SLC8A1: variants seen among roughly 807,000 people sequenced by gnomAD.
SLC8A1 encodes the protein sodium/calcium exchanger 1.
SLC8A1 carries 18 observed loss-of-function variants against 68.3 expected under a neutral mutation model. That is an observed-to-expected ratio of 0.26 (90% confidence interval 0.18 to 0.39). The LOEUF (loss-of-function observed/expected upper bound fraction) is 0.39, where lower values mean the gene tolerates loss of function less well. SLC8A1 is among the 10% of genes least tolerant of loss of function. The pLI is 1.00. For synonymous variants in SLC8A1, 475 were observed against 415.5 expected, an observed-to-expected ratio of 1.14 and a Z score of -1.74; for missense variants, 985 against 1,156.7, an observed-to-expected ratio of 0.85 and a Z score of 2.15.
intron 2 of SLC8A1, among the ~76,000 whole-genome samples, chr2:40,311,850 A>G (rs925548836): frequency 5.3e-5 from 8 of 152,164 alleles, no homozygotes; most frequent in African/African-American, 1.9e-4. Context: ...TTTAGAATCG[A>G]TAACAAAAAT....
chr2:40,269,889 A>G (rs2065814939), intron 2 of SLC8A1, among the ~76,000 whole-genome samples: 1 of 152,124 alleles, frequency 6.6e-6, no homozygotes, highest in Non-Finnish European at 1.5e-5. Context: ...AAGCAGAGAT[A>G]TAGAAAGGTG....
At chr2:40,346,406 C>T (rs143726423) in intron 2 of SLC8A1, among the ~76,000 whole-genome samples, 20 of 152,194 alleles carry the variant, frequency 1.3e-4, no homozygotes, top group African/African-American at 4.3e-4. Flanking sequence ...TATGCTAGGG[C>T]GTTTACCTCA....
chr2:40,137,944 T>C (rs966215985), intron 7 of SLC8A1, among the ~76,000 whole-genome samples: 1 of 152,164 alleles, frequency 6.6e-6, no homozygotes, highest in Non-Finnish European at 1.5e-5. Flanking sequence ...TAAATCTGGA[T>C]ACTTCATCCA....
intron 7 of SLC8A1, among the ~76,000 whole-genome samples, chr2:40,124,643 C>T (rs1029602117): frequency 2.6e-5 from 4 of 152,170 alleles, no homozygotes; most frequent in African/African-American, 9.7e-5. Context: ...AACTATTTGG[C>T]CCAGCAATTC....
chr2:40,233,695 G>A (rs558839178), intron 2 of SLC8A1, among the ~76,000 whole-genome samples: 2 of 146,808 alleles, frequency 1.4e-5, no homozygotes, highest in African/African-American at 5.0e-5. Flanking sequence ...GAATGGTAAT[G>A]CCTAGGTTTT....
At chr2:40,258,261 G>T (rs577466746) in intron 2 of SLC8A1, among the ~76,000 whole-genome samples, 2 of 152,300 alleles carry the variant, frequency 1.3e-5, no homozygotes, top group South Asian at 4.1e-4. Flanking sequence ...CCTTCATTAA[G>T]TGAGCATGTC....
chr2:40,453,936 C>T (rs1702833383), upstream of SLC8A1, among the ~76,000 whole-genome samples: 1 of 152,140 alleles, frequency 6.6e-6, no homozygotes, highest in African/African-American at 2.4e-5. Context: ...TTGCAGGAAT[C>T]GTTCTTGCCT....
intron 2 of SLC8A1, among the ~76,000 whole-genome samples, chr2:40,330,403 G>C (rs930561262): frequency 6.6e-6 from 1 of 152,242 alleles, no homozygotes; most frequent in African/African-American, 2.4e-5. Flanking sequence ...TGGACTAAAC[G>C]TAAGAAAAGA....
At chr2:40,199,420 C>A (rs1254225653) in intron 2 of SLC8A1, among the ~76,000 whole-genome samples, 1 of 151,398 alleles carries the variant, frequency 6.6e-6, no homozygotes, top group Admixed American at 6.6e-5. Flanking sequence ...GAGAATAGAC[C>A]CCCATAAGGA....
intron 2 of SLC8A1, among the ~76,000 whole-genome samples, chr2:40,325,521 T>G (rs2075715217): frequency 6.6e-6 from 1 of 152,174 alleles, no homozygotes; most frequent in African/African-American, 2.4e-5. Flanking sequence ...CCTTTTCATA[T>G]TTTGTATCTC....
At chr2:40,216,729 T>C (rs1328716597) in intron 2 of SLC8A1, among the ~76,000 whole-genome samples, 1 of 152,260 alleles carries the variant, frequency 6.6e-6, no homozygotes, top group Non-Finnish European at 1.5e-5. Flanking sequence ...ACTGTGGTTT[T>C]GATTTGCATT....
At chr2:40,183,370 T>C (rs970230808) in intron 2 of SLC8A1, among the ~76,000 whole-genome samples, 1 of 152,254 alleles carries the variant, frequency 6.6e-6, no homozygotes, top group African/African-American at 2.4e-5. Flanking sequence ...TGAACAATGA[T>C]AGAATTTCAA....
intron 1 of SLC8A1, among the ~76,000 whole-genome samples, chr2:40,441,309 G>T (rs1700434273): frequency 1.3e-5 from 2 of 151,504 alleles, no homozygotes; most frequent in South Asian, 4.2e-4. Context: ...CCATGTTCAT[G>T]GATAGGAACA....
rs150421290 is a variant in SLC8A1, at chr2:40,466,688, G to A, written c.-24-36384C>T. On this transcript the variant is annotated intron_variant, in intron 1 of 7. Coordinates refer to the SLC8A1 transcript ENST00000402441. ...ATTCTTTACCCTCTTGCATTACACA[G>A]TACCCAGGCCCATGCTGTGCATATT... 1.3e-4 allele frequency among the ~76,000 whole-genome samples: 20 copies of A among 152,228 alleles called. No individual in the cohort carries two copies. The East Asian group carries it at 3.7e-3, about 28-fold the overall frequency.
chr2:40,231,114 A>G (rs1191154549), intron 2 of SLC8A1, among the ~76,000 whole-genome samples: 2 of 152,194 alleles, frequency 1.3e-5, no homozygotes, highest in Admixed American at 6.5e-5. Context: ...CTTAGGGCAT[A>G]AGATAAGGAA....
chr2:40,158,698 G>A (rs2045084502), intron 6 of SLC8A1, among the ~76,000 whole-genome samples: 1 of 152,156 alleles, frequency 6.6e-6, no homozygotes, highest in African/African-American at 2.4e-5. Flanking sequence ...AAGGGCAGTA[G>A]ATAGCACACT....
intron 6 of SLC8A1, among the ~76,000 whole-genome samples, chr2:40,157,818 C>G (rs1205318702): frequency 1.3e-5 from 2 of 152,174 alleles, no homozygotes; most frequent in African/African-American, 4.8e-5. Context: ...GGAGAACTGC[C>G]AGGATGTAAC....
At chr2:40,399,261 A>G (rs1301952976) in intron 2 of SLC8A1, among the ~76,000 whole-genome samples, 1 of 152,098 alleles carries the variant, frequency 6.6e-6, no homozygotes, top group Non-Finnish European at 1.5e-5. Context: ...CCTTCGGAAA[A>G]CCAAATACGA....
In SLC8A1 at chr2:40,431,866, T is replaced by G. The variant is rs572524269; in HGVS notation, c.-24-1562A>C. On this transcript the variant is annotated intron_variant, in intron 1 of 7. Coordinates refer to ENST00000406785, the Ensembl canonical transcript of SLC8A1. Reference sequence around the variant, plus strand: ...AGGAGAACACCGCTGCCTAGGACATTCTGGCAGACCCTGAGAGATCCCACC... The same window carrying G: ...AGGAGAACACCGCTGCCTAGGACATGCTGGCAGACCCTGAGAGATCCCACC... 1.6e-4 allele frequency among the ~76,000 whole-genome samples: 24 copies of G among 152,206 alleles called. No homozygotes were observed. In the South Asian group the frequency reaches 4.8e-3, roughly 30 times the overall value.
Sources: gnomAD v4.1 joint callset for allele counts (sites outside exome capture counted in the v4.1 genomes callset) on GRCh38, gnomAD v4.1.1 for gene constraint, MANE v1.5 for transcripts, NCBI Gene and HGNC (gene_info 2026-07-23, HGNC 2026-07-21) for gene names.